CSMD3: variants seen among roughly 807,000 people sequenced by gnomAD.
The protein encoded by CSMD3 is CUB and sushi domain-containing protein 3.
In CSMD3, 177 loss-of-function variants were observed where a neutral mutation model predicts 435.2. That is an observed-to-expected ratio of 0.41 (90% CI 0.36 to 0.46). The LOEUF is 0.46. CSMD3 is among the 20% of genes least tolerant of loss of function. The pLI, the probability that CSMD3 is intolerant of heterozygous loss-of-function variation, is 0.34. For missense variants in CSMD3, 4,265 were observed against 4,504.6 expected (o/e 0.95, Z 1.52); for synonymous variants, 1,656 against 1,520.5 (o/e 1.09, Z -2.07).
intron 1 of CSMD3, among the ~76,000 whole-genome samples, chr8:113,376,430 T>C (rs1013467724): frequency 6.6e-6 from 1 of 152,130 alleles, no homozygotes; most frequent in African/African-American, 2.4e-5. Flanking sequence ...TAACAAAAAA[T>C]ATATTTTGTA....
chr8:113,198,022 C>T (rs2092678307), intron 3 of CSMD3, among the ~76,000 whole-genome samples: 1 of 151,034 alleles, frequency 6.6e-6, no homozygotes, highest in Non-Finnish European at 1.5e-5. Flanking sequence ...TAAAAATAAA[C>T]CAATTAATGT....
At chr8:113,055,068 G>A (rs1238430516) in intron 5 of CSMD3, among the ~76,000 whole-genome samples, 4 of 151,990 alleles carry the variant, frequency 2.6e-5, no homozygotes, top group African/African-American at 9.7e-5. Flanking sequence ...TCACTACATA[G>A]CATATTTTAT....
intron 10 of CSMD3, among the ~76,000 whole-genome samples, chr8:112,888,537 T>C (rs2081679488): frequency 6.6e-6 from 1 of 151,642 alleles, no homozygotes; most frequent in Non-Finnish European, 1.5e-5. Flanking sequence ...GGAAAGCCAA[T>C]ACATGCATGT....
chr8:112,517,560 C>T (rs149452766), intron 27 of CSMD3, among the ~76,000 whole-genome samples: 288 of 151,256 alleles, frequency 1.9e-3, no homozygotes, highest in African/African-American at 6.6e-3. Flanking sequence ...AAACAACTCT[C>T]GAAACTCAAA....
At chr8:112,656,431 A>T in intron 17 of CSMD3, 90 bp from the exon 18 acceptor site, 2 of 941,788 alleles carry the variant, frequency 2.1e-6, no homozygotes, top group Non-Finnish European at 3.1e-6. Context: ...ATTCCTATTT[A>T]AAATTTTTCC....
chr8:112,878,210 C>A (rs893771809), intron 10 of CSMD3, among the ~76,000 whole-genome samples: 1 of 152,088 alleles, frequency 6.6e-6, no homozygotes, highest in African/African-American at 2.4e-5. Context: ...GGAACTTAAA[C>A]AAATTTACAA....
In CSMD3 at chr8:113,234,421, A is replaced by T. The variant is rs2093124866; in HGVS notation, c.514+44171T>A. Among the ~76,000 whole-genome samples, 3 of 152,160 alleles carry T rather than the reference A, an allele frequency of 2.0e-5. No homozygotes were observed. In the South Asian group the frequency reaches 6.2e-4, roughly 31 times the overall value. On this transcript the variant is annotated intron_variant, in intron 3 of 70. Transcript: ENST00000297405. Reference sequence around the variant, plus strand: ...TAGAAGCCCAGACTTAACCAGCTGAACAAAATTCCTTAAACGTTATGACCT... The same window carrying T: ...TAGAAGCCCAGACTTAACCAGCTGATCAAAATTCCTTAAACGTTATGACCT...
intron 5 of CSMD3, among the ~76,000 whole-genome samples, chr8:113,054,417 T>G (rs2088229348): frequency 6.6e-6 from 1 of 152,162 alleles, no homozygotes; most frequent in Non-Finnish European, 1.5e-5. Context: ...TCAATACATT[T>G]TTTTAAGAAA....
At chr8:113,156,756 A>ATAATTAAATAAT (rs1290948767) in intron 4 of CSMD3, among the ~76,000 whole-genome samples, 1 of 149,594 alleles carries the variant, frequency 6.7e-6, no homozygotes, top group African/African-American at 2.4e-5. Context: ...AAATAAATAA[A>ATAATTAAATAAT]TAAATAAATA....
At chr8:112,311,516 C>T (rs1441776378) in intron 49 of CSMD3, among the ~76,000 whole-genome samples, 1 of 152,140 alleles carries the variant, frequency 6.6e-6, no homozygotes, top group Admixed American at 6.6e-5. Flanking sequence ...GACCTATATG[C>T]CACAGCCTTG....
intron 22 of CSMD3, among the ~76,000 whole-genome samples, chr8:112,611,446 G>T (rs1189282787): frequency 6.6e-6 from 1 of 152,114 alleles, no homozygotes; most frequent in Non-Finnish European, 1.5e-5. Context: ...AGCCAAAAGA[G>T]ACATAAAAGT....
intron 12 of CSMD3, among the ~76,000 whole-genome samples, chr8:112,816,971 G>A (rs550168313): frequency 6.6e-6 from 1 of 152,102 alleles, no homozygotes; most frequent in African/African-American, 2.4e-5. Context: ...TTATCCTGGA[G>A]AATTCAGAAT....
At chr8:113,168,519 C>CAAAAAAAAAAAAAAAAAAAAAAAAA (rs71281204) in intron 4 of CSMD3, among the ~76,000 whole-genome samples, 1 of 17,018 alleles carries the variant, frequency 5.9e-5, no homozygotes, top group Non-Finnish European at 1.1e-4. Context: ...GACTCTGTCT[C>CAAAAAAAAAAAAAAAAAAAAAAAAA]AAAAAAAAAA....
intron 13 of CSMD3, among the ~76,000 whole-genome samples, chr8:112,695,982 C>T (rs988780206): frequency 3.3e-5 from 5 of 152,102 alleles, no homozygotes; most frequent in African/African-American, 1.2e-4. Flanking sequence ...TTCACAATTG[C>T]TTCAAAGAGA....
chr8:112,609,951 C>T (rs1234279724), intron 22 of CSMD3, among the ~76,000 whole-genome samples: 3 of 152,008 alleles, frequency 2.0e-5, no homozygotes, highest in Non-Finnish European at 4.4e-5. Flanking sequence ...ATCTCATGTA[C>T]ATGTGGGATC....
intron 3 of CSMD3, among the ~76,000 whole-genome samples, chr8:113,210,971 C>T (rs1300566259): frequency 4.6e-5 from 7 of 152,110 alleles, no homozygotes; most frequent in African/African-American, 1.7e-4. Flanking sequence ...CCACATTTCA[C>T]TGCCTCCCAT....
chr8:112,468,631 G>A (rs1168387076), intron 32 of CSMD3, among the ~76,000 whole-genome samples: 1 of 151,910 alleles, frequency 6.6e-6, no homozygotes, highest in Non-Finnish European at 1.5e-5. Context: ...AATAAAATTG[G>A]TCTTCCATGT....
chr8:112,654,648 T>C (rs1309665296), intron 18 of CSMD3, among the ~76,000 whole-genome samples: 2 of 152,174 alleles, frequency 1.3e-5, no homozygotes, highest in Admixed American at 6.5e-5. Flanking sequence ...CTGACTAGTT[T>C]TTGTAGGAGA....
intron 11 of CSMD3, among the ~76,000 whole-genome samples, chr8:112,830,826 A>G (rs1156235920): frequency 6.9e-6 from 1 of 145,076 alleles, no homozygotes; most frequent in Non-Finnish European, 1.5e-5. Flanking sequence ...TTGCTCTGTC[A>G]CTCAGGCTAG....
Sources: gnomAD v4.1 joint callset for allele counts (sites outside exome capture counted in the v4.1 genomes callset) on GRCh38, gnomAD v4.1.1 for gene constraint, MANE v1.5 for transcripts, NCBI Gene and HGNC (gene_info 2026-07-23, HGNC 2026-07-21) for gene names.